Variants in VEZT observed in about 807,000 individuals in gnomAD.
VEZT encodes the protein vezatin, adherens junctions transmembrane protein, also known as vezatin.
A neutral mutation model predicts 79.9 loss-of-function variants in VEZT; 39 were observed. The observed-to-expected ratio is 0.49, with a 90% CI of 0.38 to 0.64. The LOEUF (loss-of-function observed/expected upper bound fraction) is 0.64, where lower values mean the gene tolerates loss of function less well. Ranked by LOEUF, VEZT falls within the 30% of genes least tolerant of loss-of-function variation. VEZT has a pLI of 0.00. For missense variants in VEZT, 837 were observed against 893.1 expected (o/e 0.94, Z 0.80); for synonymous variants, 325 against 327.6 (o/e 0.99, Z 0.09).
At chr12:95,224,799 TG>T (rs2058170448) in intron 1 of VEZT, among the ~76,000 whole-genome samples, 1 of 152,244 alleles carries the variant, frequency 6.6e-6, no homozygotes, top group Non-Finnish European at 1.5e-5. Context: ...GACTGGTTTT[TG>T]GCACCAGGGA....
At chr12:95,256,525 T>C (rs1158411475) in intron 2 of VEZT, 7 of 1,224,000 alleles carry the variant, frequency 5.7e-6, no homozygotes, top group Non-Finnish European at 7.4e-6. Context: ...CATGTATTTA[T>C]CTTTTTTCCC....
intron 10 of VEZT, among the ~76,000 whole-genome samples, chr12:95,295,447 A>G (rs977256826): frequency 2.0e-5 from 3 of 152,160 alleles, no homozygotes; most frequent in African/African-American, 7.2e-5. Context: ...GGCATGAGCC[A>G]CCGCGCCCGG....
chr12:95,228,521 T>A (rs1276165567), intron 1 of VEZT, among the ~76,000 whole-genome samples: 25 of 152,096 alleles, frequency 1.6e-4, no homozygotes, highest in South Asian at 2.1e-4. Context: ...TAATTTTTTT[T>A]AATATATCCT....
At chr12:95,276,472 G>C (rs1459116933) in intron 7 of VEZT, among the ~76,000 whole-genome samples, 2 of 151,708 alleles carry the variant, frequency 1.3e-5, no homozygotes, top group East Asian at 3.9e-4. Flanking sequence ...GTTTCACCGT[G>C]TTGCCCAGGC....
At chr12:95,259,391 T>C (rs1001848023) in intron 3 of VEZT, among the ~76,000 whole-genome samples, 1 of 152,220 alleles carries the variant, frequency 6.6e-6, no homozygotes, top group African/African-American at 2.4e-5. Context: ...GCATAGATAG[T>C]GACAACAGTA....
intron 1 of VEZT, among the ~76,000 whole-genome samples, chr12:95,236,361 G>C (rs956057010): frequency 2.0e-5 from 3 of 152,188 alleles, no homozygotes; most frequent in African/African-American, 4.8e-5. Context: ...GCAGTGAGCC[G>C]AGATGGCAGC....
chr12:95,265,169 C>A (rs1454649578), intron 4 of VEZT, among the ~76,000 whole-genome samples: 1 of 152,014 alleles, frequency 6.6e-6, no homozygotes, highest in Non-Finnish European at 1.5e-5. Context: ...CCCCCTCTTT[C>A]TTATATATAC....
intron 9 of VEZT, among the ~76,000 whole-genome samples, chr12:95,289,308 T>A (rs1019123279): frequency 1.2e-4 from 18 of 146,288 alleles, no homozygotes; most frequent in African/African-American, 3.5e-4. Context: ...TCACAGCTAC[T>A]CGGGAGGCTG....
chr12:95,229,197 TTC>T (rs1354596632), intron 1 of VEZT, among the ~76,000 whole-genome samples: 2 of 152,228 alleles, frequency 1.3e-5, no homozygotes, highest in Non-Finnish European at 2.9e-5. Context: ...AAAATTTTGT[TTC>T]TGTTTTATGT....
intron 1 of VEZT, among the ~76,000 whole-genome samples, chr12:95,246,122 TC>T (rs1466479289): frequency 2.0e-5 from 3 of 152,152 alleles, no homozygotes; most frequent in Non-Finnish European, 4.4e-5. Context: ...TTCTTTTTTT[TC>T]TTTTTCTTTT....
At chr12:95,259,115 GTCTTCATTTTCCTTTATTCC>G (rs1263912404) in intron 3 of VEZT, among the ~76,000 whole-genome samples, 110 of 151,788 alleles carry the variant, frequency 7.2e-4, no homozygotes, top group African/African-American at 2.6e-3. Flanking sequence ...AATGAACCCA[GTCTTCATTTTCCTTTATTCC>G]GTACTTATTC....
intron 4 of VEZT, among the ~76,000 whole-genome samples, chr12:95,264,166 C>T (rs1037875391): frequency 2.0e-5 from 3 of 152,182 alleles, no homozygotes; most frequent in Non-Finnish European, 4.4e-5. Context: ...CTTCATTCTG[C>T]AGTCACTCAG....
At chr12:95,274,672 T>C (rs558645659) in intron 6 of VEZT, 70 bp from the exon 7 acceptor site, 59 of 1,501,974 alleles carry the variant, frequency 3.9e-5, no homozygotes, top group Non-Finnish European at 5.0e-5. Context: ...GAATGTGATA[T>C]AGGACAATTT....
rs771944736 is a variant in VEZT, at chr12:95,300,657, A to G, written c.2324A>G (p.Glu775Gly). The part of the protein sequence containing the change: ...EEQIIEENKN[E>G]IEEK ...CAAATAATAGAAGAAAATAAAAATG[A>G]GATAGAAGAAAAGTAAGAACCAAGA... is the stretch of plus-strand genomic sequence containing the variant. Residue 775 changes from glutamate to glycine, a missense_variant, in exon 12 of 12, where the codon GAG becomes GGG. Physicochemically the swap from Glu to Gly is moderately conservative, Grantham distance 98. Transcript: ENST00000436874. The G allele has an allele frequency of 1.3e-6, 2 of 1,586,496 alleles. No individual in the cohort carries two copies. Among genetic ancestry groups the G allele is most frequent in the Admixed American group, 1.8e-5 (1 of 56,640 alleles).
intron 1 of VEZT, among the ~76,000 whole-genome samples, chr12:95,237,683 C>G (rs2060382777): frequency 1.3e-5 from 2 of 152,248 alleles, no homozygotes; most frequent in East Asian, 1.9e-4. Context: ...TGTTGTGGCT[C>G]TGTTTCCCTT....
intron 3 of VEZT, chr12:95,258,099 T>G (rs536934470): frequency 6.1e-5 from 23 of 378,862 alleles, no homozygotes; most frequent in African/African-American, 4.6e-4. Context: ...CTAGCTCAAG[T>G]ATTATTATTT....
At chr12:95,235,115 C>A (rs1230070848) in intron 1 of VEZT, among the ~76,000 whole-genome samples, 2 of 152,058 alleles carry the variant, frequency 1.3e-5, no homozygotes, top group African/African-American at 4.8e-5. Context: ...CCTTTCCCCC[C>A]TTTCTATTCC....
intron 1 of VEZT, among the ~76,000 whole-genome samples, chr12:95,222,413 A>G (rs1413546303): frequency 6.6e-6 from 1 of 151,916 alleles, no homozygotes; most frequent in Non-Finnish European, 1.5e-5. Flanking sequence ...TTTTTTCCCC[A>G]CTGAACTGTA....
At chr12:95,293,842 T>A (rs2073544765) in intron 9 of VEZT, 1 of 154,556 alleles carries the variant, frequency 6.5e-6, no homozygotes, top group South Asian at 2.0e-4. Context: ...AAATACAAAG[T>A]TATTAGAACA....
Sources: allele counts gnomAD v4.1 joint callset (sites outside exome capture counted in the v4.1 genomes callset), GRCh38; gene constraint gnomAD v4.1.1; transcripts MANE v1.5; gene names NCBI Gene and HGNC (gene_info 2026-07-23, HGNC 2026-07-21).